Variants in GRM3 observed in about 807,000 individuals in gnomAD.
The protein encoded by GRM3 is glutamate metabotropic receptor 3.
In GRM3, 26 loss-of-function variants were observed where a neutral mutation model predicts 70.5. That is an observed-to-expected ratio of 0.37 (90% CI 0.27 to 0.51). GRM3 has a LOEUF of 0.51. GRM3 is among the 20% of genes least tolerant of loss of function. GRM3 has a pLI of 0.93. For synonymous variants in GRM3, 443 were observed against 434.9 expected, an observed-to-expected ratio of 1.02 and a Z score of -0.23; for missense variants, 859 against 1,123.8, an observed-to-expected ratio of 0.76 and a Z score of 3.37.
chr7:86,756,626 C>G (rs1433636905), intron 1 of GRM3, among the ~76,000 whole-genome samples: 2 of 152,086 alleles, frequency 1.3e-5, no homozygotes, highest in Non-Finnish European at 2.9e-5. Context: ...TGATTGTTTT[C>G]AAGGATTTTC....
At chr7:86,824,925 G>T (rs570773198) in intron 3 of GRM3, among the ~76,000 whole-genome samples, 1 of 152,264 alleles carries the variant, frequency 6.6e-6, no homozygotes, top group Non-Finnish European at 1.5e-5. Context: ...TGGAAGAATA[G>T]TGAGACTCAA....
At chr7:86,793,808 T>C (rs769114363) in intron 3 of GRM3, among the ~76,000 whole-genome samples, 1 of 152,170 alleles carries the variant, frequency 6.6e-6, no homozygotes, top group Admixed American at 6.5e-5. Context: ...TTTACTATTA[T>C]CATTATAGTT....
At chr7:86,669,047 C>T (rs1448644254) in intron 1 of GRM3, among the ~76,000 whole-genome samples, 1 of 152,118 alleles carries the variant, frequency 6.6e-6, no homozygotes, top group Non-Finnish European at 1.5e-5. Context: ...TCCATGGAGT[C>T]ATCTAAGACT....
At chr7:86,762,110 G>A (rs536221351) in intron 1 of GRM3, among the ~76,000 whole-genome samples, 7 of 152,192 alleles carry the variant, frequency 4.6e-5, no homozygotes, top group South Asian at 2.1e-4. Flanking sequence ...GATAATGATC[G>A]CAGTGTCTTT....
chr7:86,665,931 C>T (rs970140593), intron 1 of GRM3, among the ~76,000 whole-genome samples: 1 of 152,028 alleles, frequency 6.6e-6, no homozygotes, highest in Admixed American at 6.6e-5. Flanking sequence ...TTTAGGACTA[C>T]ACAATAATGT....
At chr7:86,849,957 T>C (rs1798726709) in intron 4 of GRM3, among the ~76,000 whole-genome samples, 1 of 152,134 alleles carries the variant, frequency 6.6e-6, no homozygotes, top group Non-Finnish European at 1.5e-5. Flanking sequence ...ACAAATTTGT[T>C]TATAATAACC....
chr7:86,723,696 A>T (rs962071520), intron 1 of GRM3, among the ~76,000 whole-genome samples: 4 of 152,156 alleles, frequency 2.6e-5, no homozygotes, highest in Non-Finnish European at 4.4e-5. Flanking sequence ...GTTGCCTGGG[A>T]CACTTAACAA....
chr7:86,664,147 CT>C (rs1301227985), intron 1 of GRM3, among the ~76,000 whole-genome samples: 3 of 151,540 alleles, frequency 2.0e-5, no homozygotes, highest in Admixed American at 6.6e-5. Context: ...CATAATTTTT[CT>C]TTTTTTTAAA....
chr7:86,851,094 G>A (rs1038161060), intron 5 of GRM3, among the ~76,000 whole-genome samples: 2 of 152,074 alleles, frequency 1.3e-5, no homozygotes, highest in African/African-American at 4.8e-5. Flanking sequence ...TGTGTTATAG[G>A]TTTTGAGAAT....
chr7:86,844,626 G>C (rs1195328010), intron 4 of GRM3, among the ~76,000 whole-genome samples: 1 of 152,178 alleles, frequency 6.6e-6, no homozygotes, highest in Non-Finnish European at 1.5e-5. Flanking sequence ...GAGGAGACTG[G>C]TTAGGAAGTT....
chr7:86,650,748 G>T (rs1234278574), intron 1 of GRM3, among the ~76,000 whole-genome samples: 1 of 152,142 alleles, frequency 6.6e-6, no homozygotes, highest in African/African-American at 2.4e-5. Context: ...TTAGTACAGT[G>T]GCAAGAATAT....
intron 3 of GRM3, among the ~76,000 whole-genome samples, chr7:86,812,954 T>C (rs916085310): frequency 1.3e-5 from 2 of 151,676 alleles, no homozygotes; most frequent in Non-Finnish European, 3.0e-5. Flanking sequence ...CATGAATGAG[T>C]TGGCCTATTT....
intron 5 of GRM3, 29 bp from the exon 6 acceptor site, chr7:86,864,253 T>G: frequency 8.7e-7 from 1 of 1,144,024 alleles, no homozygotes; most frequent in Admixed American, 1.7e-5. Context: ...TGACTAACTT[T>G]GAGTTTTCTG....
chr7:86,650,636 G>C (rs1355371039), intron 1 of GRM3, among the ~76,000 whole-genome samples: 1 of 152,150 alleles, frequency 6.6e-6, no homozygotes, highest in Admixed American at 6.6e-5. Context: ...AGTCTATGAA[G>C]ATTATAAATG....
chr7:86,645,967 T>A (rs1289096754), intron 1 of GRM3, among the ~76,000 whole-genome samples: 3 of 91,932 alleles, frequency 3.3e-5, no homozygotes, highest in Non-Finnish European at 6.2e-5. Flanking sequence ...AGCTACAGTA[T>A]GTTTCTTTGT....
intron 1 of GRM3, among the ~76,000 whole-genome samples, chr7:86,709,925 TG>T (rs1413547069): frequency 6.6e-6 from 1 of 152,116 alleles, no homozygotes; most frequent in African/African-American, 2.4e-5. Context: ...CATTTGTCCT[TG>T]TAGGGACAAT....
chr7:86,694,240 G>C (rs2116047590), intron 1 of GRM3, among the ~76,000 whole-genome samples: 1 of 152,142 alleles, frequency 6.6e-6, no homozygotes. Context: ...AAATCAAAGA[G>C]AAAGGCCGGG....
intron 1 of GRM3, among the ~76,000 whole-genome samples, chr7:86,657,407 T>G (rs1382196183): frequency 6.6e-6 from 1 of 152,230 alleles, no homozygotes; most frequent in Non-Finnish European, 1.5e-5. Flanking sequence ...AAAAATTTAC[T>G]TCTGTCCTGG....
At chr7:86,833,188 T>G (rs1397382362) in intron 3 of GRM3, 14 of 756,162 alleles carry the variant, frequency 1.9e-5, no homozygotes, top group Non-Finnish European at 2.2e-5. Context: ...CAGGTGGGAA[T>G]TGAACAATGA....
Sources: allele counts gnomAD v4.1 joint callset (sites outside exome capture counted in the v4.1 genomes callset), GRCh38; gene constraint gnomAD v4.1.1; transcripts MANE v1.5; gene names NCBI Gene and HGNC (gene_info 2026-07-23, HGNC 2026-07-21).